Variants in NXPE2 observed in about 807,000 individuals in gnomAD.
NXPE2 encodes neurexophilin and PC-esterase domain family member 2.
Under a neutral mutation model 34.4 loss-of-function variants are expected in NXPE2, and 34 were observed. That is an observed-to-expected ratio of 0.99 (90% confidence interval 0.75 to 1.31). The LOEUF is 1.31. Ranked by LOEUF, NXPE2 falls within the 40% of genes most tolerant of loss-of-function variation. The probability of loss-of-function intolerance (pLI) is 0.00; values close to 1 mark genes in which losing one functional copy is unlikely to be tolerated. For synonymous variants in NXPE2, 235 were observed against 231.3 expected (o/e 1.02, Z -0.15); for missense variants, 649 against 672.5 (o/e 0.97, Z 0.39).
At chr11:114,793,150 A>G in the NXPE2 span, among the ~76,000 whole-genome samples, 147,604 of 152,286 alleles carry the variant, frequency 0.97, 71,703 homozygotes, top group Middle Eastern at 1. Flanking sequence ...ATACCACATC[A>G]TGCATGTTTC....
chr11:114,752,659 G>C, the NXPE2 span, among the ~76,000 whole-genome samples: 1 of 152,214 alleles, frequency 6.6e-6, no homozygotes, highest in South Asian at 2.1e-4. Context: ...TGTGAATCAA[G>C]AATGACTGAG....
At chr11:114,719,672 C>T in the NXPE2 span, among the ~76,000 whole-genome samples, 2 of 152,250 alleles carry the variant, frequency 1.3e-5, no homozygotes, top group South Asian at 2.1e-4. Context: ...GCCTCAAGTG[C>T]TCACCTGGAC....
the NXPE2 span, among the ~76,000 whole-genome samples, chr11:114,786,862 T>A: frequency 1.8e-4 from 27 of 152,126 alleles, no homozygotes; most frequent in African/African-American, 6.3e-4. Flanking sequence ...TACCGTACAG[T>A]GGTGCACACA....
the NXPE2 span, among the ~76,000 whole-genome samples, chr11:114,534,903 A>T: frequency 0.23 from 34,446 of 152,132 alleles, 5,490 homozygotes; most frequent in African/African-American, 0.44. Context: ...AAGGCAGGCC[A>T]ACATTCAAAT....
chr11:114,554,750 C>T, the NXPE2 span, among the ~76,000 whole-genome samples: 6 of 152,186 alleles, frequency 3.9e-5, no homozygotes, highest in South Asian at 2.1e-4. Flanking sequence ...CTAATATTAC[C>T]GTGATTTGTT....
At chr11:114,638,872 C>G in the NXPE2 span, among the ~76,000 whole-genome samples, 1 of 151,704 alleles carries the variant, frequency 6.6e-6, no homozygotes, top group Non-Finnish European at 1.5e-5. Context: ...CAGTCTGCCC[C>G]TACTGGGGGG....
chr11:114,651,274 G>A, the NXPE2 span, among the ~76,000 whole-genome samples: 3 of 151,816 alleles, frequency 2.0e-5, no homozygotes, highest in East Asian at 1.9e-4. Flanking sequence ...TCTTCCTTGC[G>A]GTGGGTTCGT....
the NXPE2 span, among the ~76,000 whole-genome samples, chr11:114,510,107 G>A: frequency 6.6e-6 from 1 of 152,200 alleles, no homozygotes; most frequent in Admixed American, 6.5e-5. Flanking sequence ...AGACTTTAAA[G>A]TTCTGGTGGA....
the NXPE2 span, among the ~76,000 whole-genome samples, chr11:114,749,442 C>T: frequency 1.3e-5 from 2 of 152,152 alleles, no homozygotes; most frequent in African/African-American, 4.8e-5. Flanking sequence ...AGCACTCTAT[C>T]TGCAGGTTCC....
intron 4 of NXPE2, among the ~76,000 whole-genome samples, chr11:114,705,198 CT>C (rs1366200112): frequency 6.6e-6 from 1 of 152,096 alleles, no homozygotes; most frequent in Non-Finnish European, 1.5e-5. Flanking sequence ...CATGATCCTA[CT>C]TTTTTCTGTG....
chr11:114,564,470 T>A, the NXPE2 span, among the ~76,000 whole-genome samples: 1 of 152,184 alleles, frequency 6.6e-6, no homozygotes, highest in Non-Finnish European at 1.5e-5. Flanking sequence ...GTAAGATACA[T>A]TCCCTGCCCT....
the NXPE2 span, among the ~76,000 whole-genome samples, chr11:114,750,308 C>T: frequency 2.6e-5 from 4 of 152,196 alleles, no homozygotes; most frequent in African/African-American, 9.7e-5. Context: ...CAGGCTGTCA[C>T]ATGTCTGCGG....
upstream of NXPE2, among the ~76,000 whole-genome samples, chr11:114,675,397 A>G (rs1474453103): frequency 1.3e-5 from 2 of 151,894 alleles, no homozygotes; most frequent in East Asian, 1.9e-4. Flanking sequence ...GAGCTTATAT[A>G]TAGAGAACTC....
At chr11:114,705,454 A>G (rs1261433061) in intron 4 of NXPE2, among the ~76,000 whole-genome samples, 1 of 152,208 alleles carries the variant, frequency 6.6e-6, no homozygotes, top group African/African-American at 2.4e-5. Flanking sequence ...GTGCCCTGCT[A>G]TTTCACGGCC....
At chr11:114,740,502 A>G in the NXPE2 span, among the ~76,000 whole-genome samples, 1 of 152,132 alleles carries the variant, frequency 6.6e-6, no homozygotes, top group Non-Finnish European at 1.5e-5. Context: ...TTGTTGGGTC[A>G]TATTGTGTCT....
At chr11:114,602,678 A>C in the NXPE2 span, among the ~76,000 whole-genome samples, 1 of 141,936 alleles carries the variant, frequency 7.0e-6, no homozygotes, top group South Asian at 2.3e-4. Context: ...ACAGAATCAT[A>C]TGTAATAATT....
the NXPE2 span, among the ~76,000 whole-genome samples, chr11:114,623,275 G>A: frequency 3.3e-5 from 5 of 152,092 alleles, no homozygotes; most frequent in African/African-American, 1.2e-4. Flanking sequence ...TGCCTCGTGG[G>A]TGACAACTGT....
the NXPE2 span, among the ~76,000 whole-genome samples, chr11:114,615,570 C>A: frequency 6.6e-6 from 1 of 150,928 alleles, no homozygotes; most frequent in Admixed American, 6.6e-5. Flanking sequence ...CGTGGGTAAC[C>A]ACCTTTACCT....
chr11:114,474,452 A>G, the NXPE2 span, among the ~76,000 whole-genome samples: 5,669 of 152,242 alleles, frequency 0.037, 345 homozygotes, highest in African/African-American at 0.13. Flanking sequence ...GTAGGAGGAA[A>G]CCAGGGGAGG....
Sources: allele counts gnomAD v4.1 joint callset (sites outside exome capture counted in the v4.1 genomes callset), GRCh38; gene constraint gnomAD v4.1.1; transcripts MANE v1.5; gene names NCBI Gene and HGNC (gene_info 2026-07-23, HGNC 2026-07-21).